Variants in DEPDC1B observed in about 807,000 individuals in gnomAD.
The protein encoded by DEPDC1B is DEP domain containing 1B.
A neutral mutation model predicts 66.5 loss-of-function variants in DEPDC1B; 51 were observed. The ratio of observed to expected loss-of-function variants is 0.77; its 90% CI spans 0.61 to 0.97. DEPDC1B has a LOEUF of 0.97. DEPDC1B is among the 50% of genes least tolerant of loss of function. The pLI, the probability that DEPDC1B is intolerant of heterozygous loss-of-function variation, is 0.00. For synonymous variants in DEPDC1B, 226 were observed against 223.6 expected, an observed-to-expected ratio of 1.01 and a Z score of -0.10; for missense variants, 552 against 637.1, an observed-to-expected ratio of 0.87 and a Z score of 1.44.
chr5:60,618,792 G>T (rs1752630612), intron 7 of DEPDC1B, among the ~76,000 whole-genome samples: 1 of 152,144 alleles, frequency 6.6e-6, no homozygotes, highest in African/African-American at 2.4e-5. Flanking sequence ...ATTTGATGAG[G>T]CCAGCATCAT....
intron 2 of DEPDC1B, among the ~76,000 whole-genome samples, chr5:60,660,560 G>T (rs1158562830): frequency 6.6e-6 from 1 of 152,050 alleles, no homozygotes; most frequent in Non-Finnish European, 1.5e-5. Context: ...CCCGTGGATG[G>T]CCCAAATGCA....
intron 7 of DEPDC1B, among the ~76,000 whole-genome samples, chr5:60,610,770 T>G (rs764863257): frequency 6.6e-6 from 1 of 152,234 alleles, no homozygotes; most frequent in Non-Finnish European, 1.5e-5. Flanking sequence ...TTTTCAGGCT[T>G]GCATTATTAT....
Position 60,681,079 on chromosome 5 carries a change from T to C in DEPDC1B, c.314+5883A>G, listed in dbSNP as rs1159762744. On this transcript the variant is annotated intron_variant, in intron 2 of 10. Transcript: ENST00000265036. ...ATTATGTGATGAGGATGGAACAACA[T>C]AGAAGCTCTAGAACATTAGTTCCTT... is the stretch of plus-strand genomic sequence containing the variant. Among the ~76,000 whole-genome samples the C allele has an allele frequency of 4.6e-5, 7 of 152,224 alleles. No individual in the cohort carries two copies. In the South Asian group the frequency reaches 1.0e-3, roughly 23 times the overall value.
At chr5:60,637,464 G>C (rs1447178679) in intron 7 of DEPDC1B, among the ~76,000 whole-genome samples, 1 of 152,204 alleles carries the variant, frequency 6.6e-6, no homozygotes, top group Non-Finnish European at 1.5e-5. Flanking sequence ...CATGCTTCTT[G>C]AACAGTCTGC....
intron 7 of DEPDC1B, among the ~76,000 whole-genome samples, chr5:60,638,050 A>G (rs145944839): frequency 1.0e-3 from 159 of 152,366 alleles, no homozygotes; most frequent in Non-Finnish European, 1.4e-3. Flanking sequence ...TTTACCTAAC[A>G]GAATATGATA....
intron 1 of DEPDC1B, among the ~76,000 whole-genome samples, chr5:60,696,862 G>A (rs1459168122): frequency 6.7e-6 from 1 of 149,590 alleles, no homozygotes; most frequent in Non-Finnish European, 1.5e-5. Flanking sequence ...TTTCTTCTTA[G>A]TACCAAAAAT....
At position 60,684,800 on chromosome 5, in the gene DEPDC1B, G is replaced by A. The variant is rs1754375476; in HGVS notation, c.314+2162C>T. Among the ~76,000 whole-genome samples the A allele has an allele frequency of 3.3e-5, 5 of 152,052 alleles. No homozygotes were observed. The South Asian group carries it at 1.0e-3, about 31-fold the overall frequency. ...AAACAACACAATGAAGAGTAAACCC[G>A]TAGAATGGGAGAAAATATTTGAAAA... On this transcript the variant is annotated intron_variant, in intron 2 of 10. Coordinates refer to ENST00000265036, the MANE Select transcript of DEPDC1B (RefSeq NM_018369.3).
chr5:60,699,726 G>C (rs542238996), intron 1 of DEPDC1B, among the ~76,000 whole-genome samples: 1 of 152,300 alleles, frequency 6.6e-6, no homozygotes, highest in South Asian at 2.1e-4. Context: ...GACCGGGTCG[G>C]TTAGATTCCA....
At chr5:60,635,043 G>A (rs1753012682) in intron 7 of DEPDC1B, among the ~76,000 whole-genome samples, 1 of 139,862 alleles carries the variant, frequency 7.1e-6, no homozygotes. Flanking sequence ...TGGGCAACAA[G>A]AGCGAAACTC....
At chr5:60,628,852 T>C (rs1752858848) in intron 7 of DEPDC1B, among the ~76,000 whole-genome samples, 1 of 152,244 alleles carries the variant, frequency 6.6e-6, no homozygotes, top group Non-Finnish European at 1.5e-5. Flanking sequence ...TATAAATATG[T>C]ACTTATTTGC....
intron 7 of DEPDC1B, among the ~76,000 whole-genome samples, chr5:60,615,625 G>A (rs1002903466): frequency 1.3e-5 from 2 of 152,226 alleles, no homozygotes; most frequent in Non-Finnish European, 2.9e-5. Flanking sequence ...GCCCAGGCTT[G>A]AGTAGGTAAA....
chr5:60,677,324 A>ACTCTCTCTCTCTCT (rs753946184), intron 2 of DEPDC1B, among the ~76,000 whole-genome samples: 19 of 78,820 alleles, frequency 2.4e-4, no homozygotes, highest in African/African-American at 9.3e-4. Flanking sequence ...ACACACACAC[A>ACTCTCTCTCTCTCT]CACTCTCTCT....
chr5:60,644,722 C>T lies in DEPDC1B; in HGVS notation c.709+23G>A, dbSNP rs760834825. On this transcript the variant is annotated intron_variant, in intron 5 of 10. Transcript: ENST00000265036. ...GCCAATATATTATGTCAATAAGTAA[C>T]AAAATTATATTTATGCACTTACTTG... 3 of 1,569,930 alleles carry T rather than the reference C, an allele frequency of 1.9e-6. No homozygotes were observed. The Admixed American group carries it at 5.6e-5, about 29-fold the overall frequency.
intron 2 of DEPDC1B, among the ~76,000 whole-genome samples, chr5:60,662,502 G>T (rs1003976621): frequency 6.6e-6 from 1 of 152,150 alleles, no homozygotes; most frequent in East Asian, 1.9e-4. Context: ...GGTGGAACGG[G>T]ACAAATAGGA....
chr5:60,616,898 T>C (rs554000813), intron 7 of DEPDC1B, among the ~76,000 whole-genome samples: 2 of 152,270 alleles, frequency 1.3e-5, no homozygotes, highest in East Asian at 3.9e-4. Context: ...AAAGGTCAGG[T>C]TACCCACAAA....
At chr5:60,686,847 C>A (rs1754422383) in intron 2 of DEPDC1B, 115 bp downstream of exon 2, 2 of 1,305,852 alleles carry the variant, frequency 1.5e-6, no homozygotes, top group Non-Finnish European at 2.1e-6. Context: ...CACAACTAGA[C>A]CCACTGTTCA....
At chr5:60,663,285 C>T (rs990619905) in intron 2 of DEPDC1B, among the ~76,000 whole-genome samples, 9 of 152,082 alleles carry the variant, frequency 5.9e-5, no homozygotes, top group African/African-American at 2.2e-4. Flanking sequence ...GACCCGAGGA[C>T]CAATAAGGAC....
chr5:60,628,156 TA>T (rs1752844207), intron 7 of DEPDC1B: 1 of 152,194 alleles, frequency 6.6e-6, no homozygotes, highest in Non-Finnish European at 1.5e-5. Flanking sequence ...ATGATACACA[TA>T]AATGCAATCA....
intron 2 of DEPDC1B, among the ~76,000 whole-genome samples, chr5:60,658,300 A>T (rs1202039012): frequency 6.6e-6 from 1 of 152,198 alleles, no homozygotes; most frequent in African/African-American, 2.4e-5. Flanking sequence ...CTGGCAATTC[A>T]AGGATTTCTT....
Sources: gnomAD v4.1 joint callset for allele counts (sites outside exome capture counted in the v4.1 genomes callset) on GRCh38, gnomAD v4.1.1 for gene constraint, MANE v1.5 for transcripts, NCBI Gene and HGNC (gene_info 2026-07-23, HGNC 2026-07-21) for gene names.